CNGA3: variants seen among roughly 807,000 people sequenced by gnomAD.
CNGA3 encodes cyclic nucleotide-gated channel alpha-3.
In CNGA3, 42 loss-of-function variants were observed where a neutral mutation model predicts 46.6. That is an observed-to-expected ratio of 0.90 (90% CI 0.70 to 1.17). CNGA3 has a LOEUF of 1.17. Ranked by LOEUF, CNGA3 falls within the 50% of genes most tolerant of loss-of-function variation. The probability of loss-of-function intolerance (pLI) is 0.00; values close to 1 mark genes in which losing one functional copy is unlikely to be tolerated. For missense variants in CNGA3, 893 were observed against 890.7 expected (o/e 1.00, Z -0.03); for synonymous variants, 394 against 369.4 (o/e 1.07, Z -0.76).
chr2:98,380,504 G>C (rs1053936678), intron 4 of CNGA3, 150 bp downstream of exon 4: 2 of 1,039,042 alleles, frequency 1.9e-6, no homozygotes, highest in South Asian at 1.5e-5. Flanking sequence ...TTGCCCTTGG[G>C]GGAGCACTAC....
At chr2:98,368,906 C>T (rs925642739) in intron 1 of CNGA3, among the ~76,000 whole-genome samples, 1 of 152,100 alleles carries the variant, frequency 6.6e-6, no homozygotes, top group African/African-American at 2.4e-5. Context: ...TGTGGCCATC[C>T]GGTTGTTAGA....
chr2:98,346,627 A>C, intron 1 of CNGA3, 93 bp downstream of exon 1: 1 of 395,380 alleles, frequency 2.5e-6, no homozygotes, highest in African/African-American at 2.1e-5. Context: ...GGTAAGTTAG[A>C]GAACCACACG....
intron 4 of CNGA3, among the ~76,000 whole-genome samples, chr2:98,381,086 A>C (rs1692526964): frequency 6.6e-6 from 1 of 152,056 alleles, no homozygotes; most frequent in Admixed American, 6.6e-5. Flanking sequence ...TCCCCTCCTG[A>C]CTTGTTCATG....
chr2:98,348,197 A>G (rs747572489), intron 1 of CNGA3, among the ~76,000 whole-genome samples: 2 of 152,124 alleles, frequency 1.3e-5, no homozygotes, highest in Non-Finnish European at 2.9e-5. Flanking sequence ...CGGTTCAGCC[A>G]CAGAGAGGGG....
At position 98,380,311 on chromosome 2, in the gene CNGA3, C is replaced by G; in HGVS notation, c.352C>G (p.Gln118Glu). Residue 118 changes from glutamine to glutamate, a missense_variant, in exon 4 of 8, where the codon CAG (glutamine) becomes GAG (glutamate). Physicochemically the swap from Gln to Glu is conservative, Grantham distance 29. Around this residue, in one of 3 missense-constraint regions of CNGA3, gnomAD observed 333 missense variants for 290.8 expected, o/e 1.15. Coordinates refer to ENST00000272602, the MANE Select transcript of CNGA3 (RefSeq NM_001298.3). The stretch of plus-strand genomic sequence containing the variant: ...GGTGTCCAGCCAAGAAAGCAATGCC[C>G]AGGCAAATGTGGGCAGCCAGGAGCC... ...KEVSSQESNA[Q>E]ANVGSQEPAD... is the part of the protein sequence containing the mutation. 1 of 1,614,170 alleles carries G rather than the reference C, an allele frequency of 6.2e-7. No individual in the cohort carries two copies. Among genetic ancestry groups the G allele is most frequent in the Non-Finnish European group, 8.5e-7 (1 of 1,180,020 alleles).
chr2:98,351,480 G>A (rs1691768481), intron 1 of CNGA3, among the ~76,000 whole-genome samples: 1 of 152,110 alleles, frequency 6.6e-6, no homozygotes, highest in Non-Finnish European at 1.5e-5. Context: ...AGATGTGACT[G>A]GCTCCTCCTT....
Position 98,389,772 on chromosome 2 carries a change from C to G in CNGA3, c.564C>G (p.Cys188Trp). 6.2e-7 allele frequency: 1 copy of G among 1,611,802 alleles called. No homozygotes were observed. The highest frequency in any genetic ancestry group is 1.3e-5 in the African/African-American group (1 of 74,988). ...TCTATAACTGGTATCTGCTTATTTG[C>G]AGGTAAGCGACAGGGGTGGAAGGTG... ...PVFYNWYLLI[C>W]RACFDELQSE... Residue 188 changes from cysteine (C) to tryptophan (W), a missense_variant and splice_region_variant, in exon 6 of 8, where the codon TGC (cysteine) becomes TGG (tryptophan). By Grantham distance (215) the Cys-to-Trp change is radical (BLOSUM62 -2). Transcript: ENST00000272602.
At chr2:98,364,192 A>T (rs1692096177) in intron 1 of CNGA3, among the ~76,000 whole-genome samples, 1 of 152,202 alleles carries the variant, frequency 6.6e-6, no homozygotes, top group African/African-American at 2.4e-5. Flanking sequence ...AGCCTGGCCA[A>T]CATGGTGAAA....
intron 3 of CNGA3, 68 bp downstream of exon 3, chr2:98,377,868 C>T: frequency 6.9e-7 from 1 of 1,459,674 alleles, no homozygotes; most frequent in East Asian, 2.4e-5. Flanking sequence ...GTAGTGACCT[C>T]TCAGGAAAAA....
chr2:98,355,147 G>A (rs1048738599), intron 1 of CNGA3, among the ~76,000 whole-genome samples: 9 of 151,600 alleles, frequency 5.9e-5, no homozygotes, highest in Admixed American at 6.6e-5. Flanking sequence ...TGCATTTCTG[G>A]GATAAACATC....
intron 1 of CNGA3, among the ~76,000 whole-genome samples, chr2:98,363,864 G>T (rs187088730): frequency 6.6e-6 from 1 of 152,050 alleles, no homozygotes; most frequent in Non-Finnish European, 1.5e-5. Context: ...TTTCTGTCTC[G>T]ATGATCTGTC....
intron 1 of CNGA3, among the ~76,000 whole-genome samples, chr2:98,364,368 A>C (rs1220545282): frequency 6.6e-6 from 1 of 151,326 alleles, no homozygotes; most frequent in Non-Finnish European, 1.5e-5. Flanking sequence ...ACAGAGCAAG[A>C]CTCCATCTCA....
Position 98,396,649 on chromosome 2 carries a change from G to T in CNGA3, c.1479G>T (p.Glu493Asp), listed in dbSNP as rs1436640566. 6.2e-7 allele frequency: 1 copy of T among 1,614,182 alleles called. No homozygotes were observed. Among genetic ancestry groups the T allele is most frequent in the Non-Finnish European group, 8.5e-7 (1 of 1,180,030 alleles). The change falls in exon 8 of 8, where the codon GAG becomes GAT. Residue 493 changes from glutamate to aspartate, a missense_variant. Coordinates refer to ENST00000272602, the MANE Select transcript of CNGA3 (RefSeq NM_001298.3). ...FQDCEAGLLV[E>D]LVLKLRPTVF... The stretch of plus-strand genomic sequence containing the variant: ...ACTGTGAGGCAGGGCTGCTGGTGGA[G>T]CTGGTGCTGAAGCTGCGACCCACTG...
At chr2:98,375,065 G>C (rs550670430) in intron 2 of CNGA3, among the ~76,000 whole-genome samples, 7 of 152,334 alleles carry the variant, frequency 4.6e-5, no homozygotes, top group African/African-American at 1.7e-4. Flanking sequence ...TTTCCACTCT[G>C]CCTCCTCCCC....
At chr2:98,391,283 G>T (rs538878105) in intron 6 of CNGA3, among the ~76,000 whole-genome samples, 9 of 152,042 alleles carry the variant, frequency 5.9e-5, no homozygotes, top group Admixed American at 5.9e-4. Flanking sequence ...GGTGCACGCG[G>T]GCTCTGGGGA....
rs776185461 is a variant in CNGA3 at position 98,370,052 on chromosome 2, A to G, written c.77A>G (p.Asn26Ser). The G allele has an allele frequency of 8.7e-6, 14 of 1,613,660 alleles. No individual in the cohort carries two copies. Among genetic ancestry groups the G allele is most frequent in the Admixed American group, 6.7e-5 (4 of 59,962 alleles). Residue 26 changes from asparagine to serine, a missense_variant, in exon 2 of 8, where the codon AAT becomes AGT. Physicochemically the swap from Asn to Ser is conservative, Grantham distance 46. Around this residue, in one of 3 missense-constraint regions of CNGA3, gnomAD observed 333 missense variants for 290.8 expected, o/e 1.15. Coordinates refer to ENST00000272602, the MANE Select transcript of CNGA3 (RefSeq NM_001298.3). ...LKVKTSDRDLNRAENGLSRAH... is the reference protein window; with the variant it reads ...LKVKTSDRDLSRAENGLSRAH... ...GTAAAGACCTCAGACCGAGATCTCAATCGCGCTGAAAATGGCCTCAGCAGG... is the reference window on the plus strand; with the variant it reads ...GTAAAGACCTCAGACCGAGATCTCAGTCGCGCTGAAAATGGCCTCAGCAGG...
intron 5 of CNGA3, among the ~76,000 whole-genome samples, chr2:98,384,591 G>A (rs537885125): frequency 1.8e-4 from 27 of 152,246 alleles, no homozygotes; most frequent in African/African-American, 6.5e-4. Flanking sequence ...CAGCCATAAC[G>A]AAAAATGAGA....
intron 1 of CNGA3, among the ~76,000 whole-genome samples, chr2:98,361,070 G>T (rs927664269): frequency 6.6e-6 from 1 of 151,706 alleles, no homozygotes; most frequent in Non-Finnish European, 1.5e-5. Context: ...AGGACGTGCA[G>T]GTTTGTTACA....
rs537301463 is a variant in CNGA3, at chr2:98,395,458, C to G, written c.674-386C>G. ...GTACTGGGATTATAGGCATGAGCCA[C>G]GGCACCCGGCCCTCTGTCACTTTTT... is the stretch of plus-strand genomic sequence containing the variant. On this transcript the variant is annotated intron_variant, in intron 7 of 7. Transcript: ENST00000272602. 3.9e-5 allele frequency among the ~76,000 whole-genome samples: 6 copies of G among 152,326 alleles called. No homozygotes were observed. The East Asian group carries it at 1.2e-3, about 29-fold the overall frequency.
Sources: gnomAD v4.1 joint callset for allele counts (sites outside exome capture counted in the v4.1 genomes callset) on GRCh38, gnomAD v4.1.1 for gene constraint, gnomAD v4.1.1 regional missense constraint, MANE v1.5 for transcripts, NCBI Gene and HGNC (gene_info 2026-07-23, HGNC 2026-07-21) for gene names.